CDC42BPA: variants seen among roughly 807,000 people sequenced by gnomAD.
CDC42BPA encodes CDC42 binding protein kinase alpha, also known as serine/threonine-protein kinase MRCK alpha.
Under a neutral mutation model 223.5 loss-of-function variants are expected in CDC42BPA, and 80 were observed. That is an observed-to-expected ratio of 0.36 (90% CI 0.30 to 0.43). The LOEUF is 0.43. Among genes scored for constraint, CDC42BPA ranks in the 20% least tolerant of loss-of-function variants. CDC42BPA has a pLI of 1.00. For missense variants in CDC42BPA, 1,743 were observed against 2,099.9 expected, an observed-to-expected ratio of 0.83 and a Z score of 3.32; for synonymous variants, 694 against 718.6, an observed-to-expected ratio of 0.97 and a Z score of 0.55.
chr1:227,234,063 A>C (rs951104473), intron 2 of CDC42BPA, among the ~76,000 whole-genome samples: 1 of 152,172 alleles, frequency 6.6e-6, no homozygotes, highest in African/African-American at 2.4e-5. Context: ...ATGTTGTTCA[A>C]GTGGCAACAG....
intron 24 of CDC42BPA, among the ~76,000 whole-genome samples, chr1:227,038,615 A>G (rs916632661): frequency 3.3e-5 from 5 of 152,214 alleles, no homozygotes; most frequent in African/African-American, 4.8e-5. Flanking sequence ...TCTGACCAAA[A>G]ATGAATGCTG....
At chr1:227,275,826 G>A (rs1420861349) in intron 1 of CDC42BPA, among the ~76,000 whole-genome samples, 1 of 152,232 alleles carries the variant, frequency 6.6e-6, no homozygotes, top group Admixed American at 6.5e-5. Flanking sequence ...CTGGTCTCCA[G>A]CTCCTAACCG....
At chr1:227,057,302 C>T (rs1320491) in intron 21 of CDC42BPA, among the ~76,000 whole-genome samples, 19,621 of 151,944 alleles carry the variant, frequency 0.13, 1,344 homozygotes, top group East Asian at 0.26. Context: ...TAATAGCATA[C>T]TAGAAACAAG....
intron 16 of CDC42BPA, among the ~76,000 whole-genome samples, chr1:227,088,044 T>C (rs1033923483): frequency 6.6e-6 from 1 of 152,184 alleles, no homozygotes; most frequent in Non-Finnish European, 1.5e-5. Flanking sequence ...TTCAATAGAT[T>C]GCTTAATGTA....
At chr1:227,206,293 G>T (rs1672705613) in intron 3 of CDC42BPA, among the ~76,000 whole-genome samples, 1 of 152,168 alleles carries the variant, frequency 6.6e-6, no homozygotes, top group African/African-American at 2.4e-5. Context: ...TGATGAACTT[G>T]TAGAGTTATT....
intron 1 of CDC42BPA, among the ~76,000 whole-genome samples, chr1:227,286,716 G>C (rs763266644): frequency 1.4e-4 from 22 of 152,130 alleles, no homozygotes; most frequent in Non-Finnish European, 4.4e-5. Flanking sequence ...TGAATGGCTG[G>C]GTAATTTACA....
Position 227,031,375 on chromosome 1 carries a change from C to A in CDC42BPA, c.3698G>T (p.Arg1233Leu), listed in dbSNP as rs961490. The A allele has an allele frequency of 1.2e-6, 2 of 1,613,990 alleles. No individual in the cohort carries two copies. The highest frequency in any genetic ancestry group is 1.7e-6 in the Non-Finnish European group (2 of 1,179,946). Residue 1233 changes from arginine (R) to leucine (L), a missense_variant, in exon 28 of 37, where the codon CGC becomes CTC. Arg to Leu is a moderately radical substitution (Grantham distance 102). This residue lies in a region of CDC42BPA where 678 missense variants were observed against 777.5 expected (regional missense o/e 0.87). Coordinates refer to ENST00000366766, the MANE Select transcript of CDC42BPA (RefSeq NM_001394014.1). ...KILKKNKFRD[R>L]SVYVPKEAYD... is the part of the protein sequence containing the mutation. ...AGCCTCTTTGGGAACATAGACTGAG[C>A]GGTCTCTGAATTTGTTTTTCTTCAA...
chr1:227,281,092 C>T (rs1035393411), intron 1 of CDC42BPA, among the ~76,000 whole-genome samples: 1 of 152,244 alleles, frequency 6.6e-6, no homozygotes, highest in Admixed American at 6.5e-5. Flanking sequence ...CTTCCACAAA[C>T]ACCATGGCCC....
chr1:227,316,125 A>C (rs1278222039), intron 1 of CDC42BPA, among the ~76,000 whole-genome samples: 1 of 152,198 alleles, frequency 6.6e-6, no homozygotes, highest in Non-Finnish European at 1.5e-5. Flanking sequence ...TTCAAAAGCC[A>C]ACGTACCACT....
At chr1:227,100,914 G>A in intron 15 of CDC42BPA, 78 bp downstream of exon 15, 1 of 925,162 alleles carries the variant, frequency 1.1e-6, no homozygotes, top group Non-Finnish European at 1.6e-6. Flanking sequence ...TATGTTTATT[G>A]TCTATGTATC....
At chr1:227,295,836 C>G (rs1425092790) in intron 1 of CDC42BPA, among the ~76,000 whole-genome samples, 1 of 152,120 alleles carries the variant, frequency 6.6e-6, no homozygotes, top group African/African-American at 2.4e-5. Context: ...GTGGGGAAAG[C>G]CTTCCTTTTA....
intron 27 of CDC42BPA, among the ~76,000 whole-genome samples, chr1:227,032,340 T>A (rs992283653): frequency 6.6e-6 from 1 of 152,090 alleles, no homozygotes; most frequent in Non-Finnish European, 1.5e-5. Context: ...TAGTTGTCAG[T>A]CTGGGAACTA....
At chr1:227,164,916 GAGAA>G (rs1220513483) in intron 5 of CDC42BPA, among the ~76,000 whole-genome samples, 1 of 152,178 alleles carries the variant, frequency 6.6e-6, no homozygotes, top group Non-Finnish European at 1.5e-5. Flanking sequence ...TAGCAGCTGA[GAGAA>G]AGACAGGTTT....
chr1:227,005,058 T>C lies in CDC42BPA; in HGVS notation c.4911A>G (p.Pro1637=), dbSNP rs145724581. ...GCTCAGGGCGGGATTTGGTGATAGATGGAATACTGACTGAGCCACTGAATA... is the reference window on the plus strand; with the variant it reads ...GCTCAGGGCGGGATTTGGTGATAGACGGAATACTGACTGAGCCACTGAATA... ...RTVFSGSVSI[P]SITKSRPEPG... is the part of the protein sequence containing the mutation. Residue 1637 remains proline (P), a synonymous_variant, in exon 35 of 37, where the codon CCA becomes CCG. Coordinates refer to ENST00000366766, the MANE Select transcript of CDC42BPA (RefSeq NM_001394014.1). 4.3e-6 allele frequency: 7 copies of C among 1,614,086 alleles called. No homozygotes were observed. In the African/African-American group the frequency reaches 8.0e-5, roughly 18 times the overall value.
chr1:227,028,964 A>C lies in CDC42BPA; in HGVS notation c.4125T>G (p.Phe1375Leu). ...CATTATATGGGACTTGAATTTCTTTAAATTTTCTGTGACGGGTCTTGCTCT... is the reference window on the plus strand; with the variant it reads ...CATTATATGGGACTTGAATTTCTTTCAATTTTCTGTGACGGGTCTTGCTCT... ...LFQSKTRHRK[F>L]KEIQVPYNVQ... The change falls in exon 30 of 37, where the codon TTT becomes TTG. Residue 1375 changes from phenylalanine to leucine, a missense_variant. Transcript: ENST00000366766. 1 of 1,614,148 alleles carries C rather than the reference A, an allele frequency of 6.2e-7. No homozygotes were observed.
At chr1:227,229,311 A>G (rs142809718) in intron 2 of CDC42BPA, among the ~76,000 whole-genome samples, 184 of 152,350 alleles carry the variant, frequency 1.2e-3, no homozygotes, top group African/African-American at 3.9e-3. Context: ...TCAAAAACCA[A>G]TAGTCCATAA....
chr1:227,187,689 C>CCAA, intron 5 of CDC42BPA, among the ~76,000 whole-genome samples: 1 of 56,204 alleles, frequency 1.8e-5, no homozygotes, highest in Admixed American at 2.4e-4. Flanking sequence ...ACCCCCCCCC[C>CCAA]AAAAAAAAAA....
intron 5 of CDC42BPA, among the ~76,000 whole-genome samples, chr1:227,186,230 C>G (rs900551630): frequency 1.3e-5 from 2 of 152,328 alleles, no homozygotes; most frequent in East Asian, 3.9e-4. Context: ...CCACTAAGAG[C>G]TCAACCAGGT....
At chr1:227,253,650 T>TA (rs1558878148) in intron 2 of CDC42BPA, among the ~76,000 whole-genome samples, 39 of 94,638 alleles carry the variant, frequency 4.1e-4, no homozygotes, top group African/African-American at 8.2e-4. Context: ...ATACATACAT[T>TA]CATACATAAA....
Sources: allele counts gnomAD v4.1 joint callset (sites outside exome capture counted in the v4.1 genomes callset), GRCh38; gene constraint gnomAD v4.1.1; regional missense constraint gnomAD v4.1.1; transcripts MANE v1.5; gene names NCBI Gene and HGNC (gene_info 2026-07-23, HGNC 2026-07-21).